RASAL2: variants seen among roughly 807,000 people sequenced by gnomAD.
RASAL2 encodes ras GTPase-activating protein nGAP.
Under a neutral mutation model 128.9 loss-of-function variants are expected in RASAL2, and 58 were observed. That is an observed-to-expected ratio of 0.45 (90% CI 0.36 to 0.56). The LOEUF is 0.56. RASAL2 is among the 20% of genes least tolerant of loss of function. The pLI, the probability that RASAL2 is intolerant of heterozygous loss-of-function variation, is 0.00. For synonymous variants in RASAL2, 561 were observed against 580.8 expected (o/e 0.97, Z 0.49); for missense variants, 1,360 against 1,601.6 (o/e 0.85, Z 2.57).
chr1:178,228,345 G>A (rs1046255114), intron 1 of RASAL2, among the ~76,000 whole-genome samples: 6 of 152,112 alleles, frequency 3.9e-5, no homozygotes, highest in East Asian at 1.9e-4. Flanking sequence ...ACTTTAGGAC[G>A]CCGAGGCAGG....
chr1:178,104,365 A>G (rs1041624770), intron 1 of RASAL2, among the ~76,000 whole-genome samples: 4 of 152,080 alleles, frequency 2.6e-5, no homozygotes, highest in Admixed American at 2.0e-4. Context: ...ACACAGCTTT[A>G]TTGTTGAGAC....
intron 3 of RASAL2, among the ~76,000 whole-genome samples, chr1:178,370,639 A>G (rs899648351): frequency 2.6e-5 from 4 of 152,204 alleles, no homozygotes; most frequent in African/African-American, 9.6e-5. Context: ...TAAAATATTC[A>G]GCCTGGCATC....
intron 1 of RASAL2, among the ~76,000 whole-genome samples, chr1:178,274,070 A>G (rs1666382445): frequency 6.6e-6 from 1 of 152,304 alleles, no homozygotes; most frequent in Middle Eastern, 3.4e-3. Context: ...TCTGGATTCT[A>G]TTGCACTTGA....
chr1:178,214,169 C>G (rs2101990510), intron 1 of RASAL2, among the ~76,000 whole-genome samples: 1 of 152,172 alleles, frequency 6.6e-6, no homozygotes, highest in Admixed American at 6.5e-5. Flanking sequence ...ACTTGGGAGG[C>G]TGAAGCAAGT....
At chr1:178,257,887 A>G (rs1285606410) in intron 1 of RASAL2, among the ~76,000 whole-genome samples, 1 of 152,020 alleles carries the variant, frequency 6.6e-6, no homozygotes, top group African/African-American at 2.4e-5. Flanking sequence ...CTAAATCTTA[A>G]TGACCTTGGA....
rs540447338 is a variant in RASAL2 at position 178,156,788 on chromosome 1, T to C, written c.202+62094T>C. ...TAAAAAACACAGCGATTAAGGTCAG[T>C]GTTAAAAGCCTGATACAGTGATATT... On this transcript the variant is annotated intron_variant, in intron 1 of 17. Coordinates refer to ENST00000367649, the MANE Select transcript of RASAL2 (RefSeq NM_170692.4). Among the ~76,000 whole-genome samples, 4 of 152,274 alleles carry C rather than the reference T, an allele frequency of 2.6e-5. No individual in the cohort carries two copies. The East Asian group carries it at 5.8e-4, about 22-fold the overall frequency.
chr1:178,400,613 T>C (rs1673558960), intron 4 of RASAL2, among the ~76,000 whole-genome samples: 1 of 152,198 alleles, frequency 6.6e-6, no homozygotes, highest in South Asian at 2.1e-4. Flanking sequence ...ATGTTTGATA[T>C]TTTAAAAAAA....
At chr1:178,110,672 C>T (rs1659286405) in intron 1 of RASAL2, among the ~76,000 whole-genome samples, 1 of 111,888 alleles carries the variant, frequency 8.9e-6, no homozygotes. Context: ...ACTGCAAACT[C>T]CACCTTCCAG....
chr1:178,225,084 G>A (rs1324239670), intron 1 of RASAL2, among the ~76,000 whole-genome samples: 2 of 151,866 alleles, frequency 1.3e-5, no homozygotes, highest in African/African-American at 4.8e-5. Flanking sequence ...AACTTCTAAG[G>A]GACAGGTCCC....
intron 12 of RASAL2, chr1:178,456,422 T>C (rs1220238109): frequency 2.2e-6 from 1 of 444,710 alleles, no homozygotes; most frequent in Non-Finnish European, 4.1e-6. Flanking sequence ...TTAGTTGGAA[T>C]GGCATTAGTT....
At chr1:178,242,597 C>G (rs1664566167) in intron 1 of RASAL2, among the ~76,000 whole-genome samples, 1 of 151,934 alleles carries the variant, frequency 6.6e-6, no homozygotes, top group Non-Finnish European at 1.5e-5. Context: ...CAATGCCTGG[C>G]CCACTTACAT....
At chr1:178,206,238 T>C (rs973100383) in intron 1 of RASAL2, among the ~76,000 whole-genome samples, 10 of 152,208 alleles carry the variant, frequency 6.6e-5, no homozygotes, top group Non-Finnish European at 1.2e-4. Flanking sequence ...TTTGTTCTTA[T>C]ACAAAGATCC....
At chr1:178,228,505 T>A (rs981177154) in intron 1 of RASAL2, among the ~76,000 whole-genome samples, 1 of 152,074 alleles carries the variant, frequency 6.6e-6, no homozygotes. Flanking sequence ...TTGCTTGAAC[T>A]GGGGAGGCGG....
rs1347204919 is a variant in RASAL2, at chr1:178,350,690, TG to T, written c.458-39408del. ...GTCAGCAGGATTCAGTTTCTTGCAG[TG>T]GTAGGACTGAGATCCCTGTTTTTTG... is the stretch of plus-strand genomic sequence containing the variant. On this transcript the variant is annotated intron_variant, in intron 3 of 17. Transcript: ENST00000367649. 2.0e-5 allele frequency among the ~76,000 whole-genome samples: 3 copies of T among 152,156 alleles called. No homozygotes were observed. The East Asian group carries it at 5.8e-4, about 29-fold the overall frequency.
intron 13 of RASAL2, among the ~76,000 whole-genome samples, chr1:178,457,478 T>C (rs190964031): frequency 2.6e-5 from 4 of 152,370 alleles, no homozygotes; most frequent in Admixed American, 6.5e-5. Context: ...TACAGTGTTA[T>C]TCTGTACCTT....
At chr1:178,435,312 T>G (rs1676184838) in intron 5 of RASAL2, among the ~76,000 whole-genome samples, 1 of 152,122 alleles carries the variant, frequency 6.6e-6, no homozygotes, top group African/African-American at 2.4e-5. Flanking sequence ...TCTGAAAAAT[T>G]GGCCAGTTAA....
intron 3 of RASAL2, among the ~76,000 whole-genome samples, chr1:178,311,490 C>T (rs1557893589): frequency 6.6e-6 from 1 of 151,946 alleles, no homozygotes; most frequent in Non-Finnish European, 1.5e-5. Context: ...AACAACTGTT[C>T]TTCCTACCTA....
chr1:178,096,686 AC>A (rs1658702131), intron 1 of RASAL2, among the ~76,000 whole-genome samples: 1 of 151,858 alleles, frequency 6.6e-6, no homozygotes, highest in Non-Finnish European at 1.5e-5. Context: ...ACATATACAT[AC>A]CATGCCTTGC....
intron 1 of RASAL2, among the ~76,000 whole-genome samples, chr1:178,183,811 T>C (rs1057303314): frequency 6.6e-6 from 1 of 152,202 alleles, no homozygotes; most frequent in African/African-American, 2.4e-5. Context: ...TTTCAGACAG[T>C]TGTGTAAATA....
Sources: allele counts gnomAD v4.1 joint callset (sites outside exome capture counted in the v4.1 genomes callset), GRCh38; gene constraint gnomAD v4.1.1; transcripts MANE v1.5; gene names NCBI Gene and HGNC (gene_info 2026-07-23, HGNC 2026-07-21).